The following BRINP2 variants were observed in gnomAD, a reference collection of about 807,000 sequenced individuals.
The protein encoded by BRINP2 is BMP/retinoic acid inducible neural specific 2, also known as BMP/retinoic acid-inducible neural-specific protein 2.
A neutral mutation model predicts 69.2 loss-of-function variants in BRINP2; 21 were observed. The observed-to-expected ratio is 0.30, with a 90% CI of 0.22 to 0.44. The LOEUF is 0.44. Ranked by LOEUF, BRINP2 falls within the 20% of genes least tolerant of loss-of-function variation. BRINP2 has a pLI of 1.00. For missense variants in BRINP2, 877 were observed against 986.0 expected (o/e 0.89, Z 1.48); for synonymous variants, 380 against 394.1 (o/e 0.96, Z 0.42).
chr1:177,199,637 G>A (rs1056156225), intron 1 of BRINP2, among the ~76,000 whole-genome samples: 1 of 152,122 alleles, frequency 6.6e-6, no homozygotes, highest in African/African-American at 2.4e-5. Context: ...CATTTTCAGG[G>A]TGAAAAGAAC....
intron 1 of BRINP2, among the ~76,000 whole-genome samples, chr1:177,205,169 G>A (rs1464946751): frequency 7.2e-5 from 11 of 152,058 alleles, no homozygotes; most frequent in Non-Finnish European, 1.3e-4. Context: ...TTGAGATGGA[G>A]TTTCACTCTT....
intron 1 of BRINP2, among the ~76,000 whole-genome samples, chr1:177,197,353 C>A (rs1471764754): frequency 6.6e-6 from 1 of 152,066 alleles, no homozygotes; most frequent in South Asian, 2.1e-4. Context: ...GGAGTTAAAC[C>A]ATTGATGAAG....
At chr1:177,187,625 G>C (rs1268151444) in intron 1 of BRINP2, among the ~76,000 whole-genome samples, 4 of 152,160 alleles carry the variant, frequency 2.6e-5, no homozygotes, top group African/African-American at 4.8e-5. Flanking sequence ...TTTAGCCAAA[G>C]CAGGCCTCAT....
At chr1:177,209,130 C>A (rs1649151991) in intron 1 of BRINP2, among the ~76,000 whole-genome samples, 1 of 151,686 alleles carries the variant, frequency 6.6e-6, no homozygotes, top group Admixed American at 6.6e-5. Flanking sequence ...GTGAATGGTG[C>A]CTCTTGGTGT....
intron 1 of BRINP2, among the ~76,000 whole-genome samples, chr1:177,208,323 CT>C (rs1649122737): frequency 6.6e-6 from 1 of 152,148 alleles, no homozygotes; most frequent in African/African-American, 2.4e-5. Flanking sequence ...CAGGCAGGCA[CT>C]GTATGTAAGT....
At chr1:177,275,300 G>T (rs1186154029) in intron 5 of BRINP2, 6 of 454,470 alleles carry the variant, frequency 1.3e-5, no homozygotes, top group Non-Finnish European at 1.8e-5. Context: ...GCAATTTAGT[G>T]CATTCTATCC....
intron 1 of BRINP2, among the ~76,000 whole-genome samples, chr1:177,212,627 T>A (rs1649257343): frequency 6.6e-6 from 1 of 152,286 alleles, no homozygotes; most frequent in Admixed American, 6.5e-5. Context: ...TTCAGGATAT[T>A]TGTGAGCTAA....
intron 1 of BRINP2, among the ~76,000 whole-genome samples, chr1:177,191,504 G>A (rs1490653111): frequency 6.6e-6 from 1 of 152,068 alleles, no homozygotes; most frequent in Non-Finnish European, 1.5e-5. Flanking sequence ...ACCCAGGCTG[G>A]AGTGCAATGG....
At chr1:177,276,052 G>A in intron 5 of BRINP2, 146 bp from the exon 6 acceptor site, 1 of 726,058 alleles carries the variant, frequency 1.4e-6, no homozygotes, top group Non-Finnish European at 2.4e-6. Flanking sequence ...AACCAGCTCA[G>A]CAGGATTAGG....
At chr1:177,183,137 C>CTTTTTTTTTTTTTTTTTTT (rs71129597) in intron 1 of BRINP2, among the ~76,000 whole-genome samples, 5 of 54,302 alleles carry the variant, frequency 9.2e-5, no homozygotes, top group South Asian at 6.3e-4. Flanking sequence ...AGTGTGTGAG[C>CTTTTTTTTTTTTTTTTTTT]TTTTTTTTTT....
At chr1:177,245,443 G>T (rs1650344641) in intron 2 of BRINP2, among the ~76,000 whole-genome samples, 1 of 152,214 alleles carries the variant, frequency 6.6e-6, no homozygotes, top group African/African-American at 2.4e-5. Flanking sequence ...GAATAAACTT[G>T]TAGAATAATG....
chr1:177,203,027 C>A (rs562679978), intron 1 of BRINP2, among the ~76,000 whole-genome samples: 26 of 151,938 alleles, frequency 1.7e-4, no homozygotes, highest in Non-Finnish European at 5.9e-5. Context: ...CACATGCACA[C>A]GTATGTTTAT....
intron 2 of BRINP2, among the ~76,000 whole-genome samples, chr1:177,237,227 G>A (rs1327407364): frequency 2.0e-5 from 3 of 152,170 alleles, no homozygotes; most frequent in African/African-American, 7.2e-5. Context: ...TATTTATGGA[G>A]CATCTCCTTC....
chr1:177,201,447 C>T (rs1411469691), intron 1 of BRINP2, among the ~76,000 whole-genome samples: 1 of 152,296 alleles, frequency 6.6e-6, no homozygotes, highest in South Asian at 2.1e-4. Flanking sequence ...TGAGTCCTTG[C>T]CTGTCACTGG....
At chr1:177,259,360 T>C (rs981798026) in intron 4 of BRINP2, among the ~76,000 whole-genome samples, 1 of 152,094 alleles carries the variant, frequency 6.6e-6, no homozygotes, top group Non-Finnish European at 1.5e-5. Flanking sequence ...GTTCATGAGA[T>C]TGGAGGAAAG....
At chr1:177,188,486 G>T (rs184443276) in intron 1 of BRINP2, among the ~76,000 whole-genome samples, 1 of 152,300 alleles carries the variant, frequency 6.6e-6, no homozygotes, top group East Asian at 1.9e-4. Context: ...CCTGGAGAAG[G>T]GTTGAAGGAT....
intron 7 of BRINP2, among the ~76,000 whole-genome samples, chr1:177,279,857 G>T (rs1651636228): frequency 6.6e-6 from 1 of 152,224 alleles, no homozygotes; most frequent in Admixed American, 6.5e-5. Context: ...ACGTGATGGA[G>T]AATGAGTGTG....
chr1:177,231,147 G>A (rs1357252986), intron 2 of BRINP2, among the ~76,000 whole-genome samples: 1 of 152,106 alleles, frequency 6.6e-6, no homozygotes, highest in Non-Finnish European at 1.5e-5. Flanking sequence ...CCTGTTGTTA[G>A]ATTTATCAAC....
At chr1:177,214,953 G>C (rs1356965917) in intron 1 of BRINP2, among the ~76,000 whole-genome samples, 1 of 152,044 alleles carries the variant, frequency 6.6e-6, no homozygotes, top group African/African-American at 2.4e-5. Flanking sequence ...GAAATGTATA[G>C]TACTCAATTA....
Sources: allele counts gnomAD v4.1 joint callset (sites outside exome capture counted in the v4.1 genomes callset), GRCh38; gene constraint gnomAD v4.1.1; transcripts MANE v1.5; gene names NCBI Gene and HGNC (gene_info 2026-07-23, HGNC 2026-07-21).